The following PIGG variants were observed in gnomAD, a reference collection of about 807,000 sequenced individuals.
PIGG encodes phosphatidylinositol glycan anchor biosynthesis class G (EMM blood group), also known as GPI ethanolamine phosphate transferase 2, catalytic subunit.
A neutral mutation model predicts 83.2 loss-of-function variants in PIGG; 70 were observed. That is an observed-to-expected ratio of 0.84 (90% CI 0.69 to 1.03). PIGG has a LOEUF of 1.03. PIGG is among the 50% of genes least tolerant of loss of function. The pLI is 0.00. For missense variants in PIGG, 1,257 were observed against 1,233.6 expected, an observed-to-expected ratio of 1.02 and a Z score of -0.28; for synonymous variants, 532 against 519.5, an observed-to-expected ratio of 1.02 and a Z score of -0.33.
Position 507,551 on chromosome 4 carries a change from GGACAGCGTGCTGATGAAGAT to G in PIGG, c.718_737del (p.Asp240ProfsTer22). 1 of 1,613,514 alleles carries G rather than the reference GGACAGCGTGCTGATGAAGAT, an allele frequency of 6.2e-7. No homozygotes were observed. Among genetic ancestry groups the G allele is most frequent in the Non-Finnish European group, 8.5e-7 (1 of 1,179,806 alleles). The stretch of plus-strand genomic sequence containing the variant: ...TGATTGGGCAGAAGCTGAGCGAGAT[GGACAGCGTGCTGATGAAGAT>G]CCACACCTCACTGCAGTCGAAGGTG... On this transcript the variant is annotated frameshift_variant, in exon 4 of 13. Transcript: ENST00000453061. LOFTEE classifies it high-confidence loss of function.
intron 12 of PIGG, chr4:536,743 G>A (rs748957109): frequency 7.2e-5 from 11 of 152,324 alleles, no homozygotes; most frequent in East Asian, 3.9e-4. Context: ...CAGGACAAGC[G>A]GGCGTGAGCG....
At chr4:529,566 G>A (rs966991160) in intron 10 of PIGG, among the ~76,000 whole-genome samples, 7 of 152,212 alleles carry the variant, frequency 4.6e-5, no homozygotes, top group Admixed American at 6.5e-5. Flanking sequence ...TTTGTAGGCT[G>A]TGTGAAGCAT....
chr4:527,448 A>G (rs543195314), intron 10 of PIGG: 2 of 1,307,874 alleles, frequency 1.5e-6, no homozygotes, highest in South Asian at 2.5e-5. Context: ...AGCACTTTTT[A>G]TGTTTTATGT....
intron 2 of PIGG, among the ~76,000 whole-genome samples, chr4:505,459 C>CA (rs35308755): frequency 0.018 from 820 of 45,016 alleles, 37 homozygotes; most frequent in African/African-American, 0.032. Context: ...CTGTATCTAC[C>CA]AAAAAAAAAA....
In PIGG at chr4:499,367, G is replaced by C. The variant is rs202053646; in HGVS notation, c.32G>C (p.Cys11Ser). The C allele has an allele frequency of 6.2e-7, 1 of 1,609,948 alleles. No individual in the cohort carries two copies. Among genetic ancestry groups the C allele is most frequent in the Admixed American group, 1.7e-5 (1 of 60,000 alleles). Reference sequence around the variant, plus strand: ...CTGGGCTCCGGGACTTTCGCTACCTGTTGCGTAGCGATCGAGGTGCTAGGG... The same window carrying C: ...CTGGGCTCCGGGACTTTCGCTACCTCTTGCGTAGCGATCGAGGTGCTAGGG... MRLGSGTFATCCVAIEVLGIA... is the reference protein window; with the variant it reads MRLGSGTFATSCVAIEVLGIA... Residue 11 changes from cysteine to serine, a missense_variant, in exon 1 of 13, where the codon TGT becomes TCT. Transcript: ENST00000453061.
chr4:503,856 A>ACACG (rs1718642812), intron 2 of PIGG, among the ~76,000 whole-genome samples: 1 of 90,126 alleles, frequency 1.1e-5, no homozygotes, highest in African/African-American at 3.3e-5. Flanking sequence ...ACACACACAC[A>ACACG]CACACACACA....
At position 530,688 on chromosome 4, in the gene PIGG, T is replaced by C. The variant is rs1471183217; in HGVS notation, c.2514T>C (p.Asp838=). The C allele has an allele frequency of 1.9e-6, 3 of 1,613,910 alleles. No homozygotes were observed. Among genetic ancestry groups the C allele is most frequent in the East Asian group, 2.2e-5 (1 of 44,896 alleles). ...TKFIWKPLRH[D]AAEITVMHYW... Reference sequence around the variant, plus strand: ...TCATCTGGAAGCCCCTGAGACACGATGCAGCTGAGATTACTGTGATGCATT... The same window carrying C: ...TCATCTGGAAGCCCCTGAGACACGACGCAGCTGAGATTACTGTGATGCATT... The change falls in exon 11 of 13, where the codon GAT becomes GAC. Residue 838 remains aspartate (D), a synonymous_variant. Transcript: ENST00000453061.
chr4:523,782 C>T lies in PIGG; in HGVS notation c.1938C>T (p.Leu646=), dbSNP rs772966387. The T allele has an allele frequency of 1.2e-6, 2 of 1,613,894 alleles. No individual in the cohort carries two copies. Among genetic ancestry groups the T allele is most frequent in the Non-Finnish European group, 1.7e-6 (2 of 1,180,042 alleles). The change falls in exon 9 of 13, where the codon CTC becomes CTT. Residue 646 remains leucine (L), a synonymous_variant. Transcript: ENST00000453061. ...GAAGCCCCTCTACCTCCGAAGTGCTCAGAGGCCGCGAGAAGTGGATGGTGC... is the reference window on the plus strand; with the variant it reads ...GAAGCCCCTCTACCTCCGAAGTGCTTAGAGGCCGCGAGAAGTGGATGGTGC... The part of the protein sequence containing the change: ...GHGSPSTSEV[L]RGREKWMVLA...
chr4:531,016 A>G (rs1728925534), intron 11 of PIGG: 1 of 445,182 alleles, frequency 2.2e-6, no homozygotes, highest in Non-Finnish European at 4.0e-6. Flanking sequence ...TTCAGGAAGC[A>G]CAGACATCAC....
Position 539,657 on chromosome 4 carries a change from CTT to C in PIGG, c.*290_*291del, listed in dbSNP as rs1731588657. On this transcript the variant is annotated 3_prime_UTR_variant, in exon 13 of 13. Coordinates refer to ENST00000453061, the MANE Select transcript of PIGG (RefSeq NM_001127178.3). ...AATCAATGAATGAAAAGGTTCTGGA[CTT>C]TGTTAGAGTCCAGGAGCTCTGTGGG... 5 of 303,674 alleles carry C rather than the reference CTT, an allele frequency of 1.6e-5. No homozygotes were observed. Among genetic ancestry groups the C allele is most frequent in the Non-Finnish European group, 6.2e-6 (1 of 162,316 alleles). 18.8% of individuals were successfully genotyped at this position (303,674 alleles called of 1,614,324 possible).
At chr4:510,267 C>G (rs566201287) in intron 5 of PIGG, among the ~76,000 whole-genome samples, 1 of 152,152 alleles carries the variant, frequency 6.6e-6, no homozygotes, top group Non-Finnish European at 1.5e-5. Flanking sequence ...TTATGGGAAA[C>G]GAAGGGATGG....
In PIGG at chr4:508,836, A is replaced by C; in HGVS notation, c.767A>C (p.Glu256Ala). 3 of 1,613,978 alleles carry C rather than the reference A, an allele frequency of 1.9e-6. No homozygotes were observed. The highest frequency in any genetic ancestry group is 2.5e-6 in the Non-Finnish European group (3 of 1,179,882). ...TTTTCCTTTGCCTTAAAGGAGAGAGAGACGCCTTTACCCAATTTGCTGGTT... is the reference window on the plus strand; with the variant it reads ...TTTTCCTTTGCCTTAAAGGAGAGAGCGACGCCTTTACCCAATTTGCTGGTT... ...IHTSLQSKER[E>A]TPLPNLLVLC... The change falls in exon 5 of 13, where the codon GAG becomes GCG. Residue 256 changes from glutamate (E) to alanine (A), a missense_variant. By Grantham distance (107) the Glu-to-Ala change is moderately radical (BLOSUM62 -1). Coordinates refer to ENST00000453061, the MANE Select transcript of PIGG (RefSeq NM_001127178.3).
intron 5 of PIGG, among the ~76,000 whole-genome samples, chr4:509,294 C>CT (rs35071340): frequency 6.6e-6 from 1 of 152,132 alleles, no homozygotes; most frequent in Non-Finnish European, 1.5e-5. Context: ...AATACCTCGG[C>CT]TTTTTTAAAA....
chr4:512,345 G>A (rs1210441036), intron 5 of PIGG, among the ~76,000 whole-genome samples: 4 of 148,720 alleles, frequency 2.7e-5, no homozygotes, highest in Admixed American at 6.8e-5. Context: ...TCAGCCTCCC[G>A]AGTAGCTGGG....
At chr4:518,460 G>A (rs927471030) in intron 6 of PIGG, among the ~76,000 whole-genome samples, 2 of 152,156 alleles carry the variant, frequency 1.3e-5, no homozygotes, top group Non-Finnish European at 2.9e-5. Flanking sequence ...GGGCATGGTG[G>A]CAGGCGCCTG....
chr4:533,798 G>A lies in PIGG; in HGVS notation c.2572-20G>A, dbSNP rs756116778. 6.2e-7 allele frequency: 1 copy of A among 1,613,088 alleles called. No individual in the cohort carries two copies. Among genetic ancestry groups the A allele is most frequent in the African/African-American group, 1.3e-5 (1 of 75,058 alleles). ...GCCACGTGTTGTGAGGCCTTTGTCA[G>A]CTCTTCTCCTGTATTCCAGGGCAAC... On this transcript the variant is annotated intron_variant, in intron 11 of 12. Transcript: ENST00000453061.
At chr4:517,644 C>T (rs1278543578) in intron 6 of PIGG, among the ~76,000 whole-genome samples, 2 of 151,956 alleles carry the variant, frequency 1.3e-5, no homozygotes, top group Non-Finnish European at 2.9e-5. Flanking sequence ...TGAGTGGCTT[C>T]GTCAGATGGA....
At chr4:505,183 G>A (rs116356229) in intron 2 of PIGG, among the ~76,000 whole-genome samples, 3,842 of 152,180 alleles carry the variant, frequency 0.025, 48 homozygotes, top group Middle Eastern at 0.058. Context: ...GGCTGTTGCC[G>A]TCGTCTCGCT....
At chr4:535,427 C>T (rs1005952599) in intron 12 of PIGG, among the ~76,000 whole-genome samples, 3 of 152,238 alleles carry the variant, frequency 2.0e-5, no homozygotes, top group Non-Finnish European at 2.9e-5. Flanking sequence ...AACCGCGCAC[C>T]GCGGCCCGGC....
Sources: allele counts gnomAD v4.1 joint callset (sites outside exome capture counted in the v4.1 genomes callset), GRCh38; gene constraint gnomAD v4.1.1; transcripts MANE v1.5; gene names NCBI Gene and HGNC (gene_info 2026-07-23, HGNC 2026-07-21).